SCN3A: variants seen among roughly 807,000 people sequenced by gnomAD.
SCN3A encodes the protein sodium voltage-gated channel alpha subunit 3.
SCN3A carries 60 observed loss-of-function variants against 187.6 expected under a neutral mutation model. The ratio of observed to expected loss-of-function variants is 0.32; its 90% CI spans 0.26 to 0.40. The LOEUF is 0.40. Among genes scored for constraint, SCN3A ranks in the 10% least tolerant of loss-of-function variants. The pLI, the probability that SCN3A is intolerant of heterozygous loss-of-function variation, is 1.00. For synonymous variants in SCN3A, 788 were observed against 829.2 expected, an observed-to-expected ratio of 0.95 and a Z score of 0.85; for missense variants, 1,601 against 2,428.2, an observed-to-expected ratio of 0.66 and a Z score of 7.16.
At chr2:165,175,238 C>T (rs1302121473) in intron 3 of SCN3A, among the ~76,000 whole-genome samples, 1 of 152,060 alleles carries the variant, frequency 6.6e-6, no homozygotes, top group Non-Finnish European at 1.5e-5. Context: ...TCTTTAGTTT[C>T]TACATTGAGC....
intron 21 of SCN3A, among the ~76,000 whole-genome samples, chr2:165,108,677 TTAAA>T (rs1190025157): frequency 1.3e-5 from 2 of 152,212 alleles, no homozygotes; most frequent in African/African-American, 4.8e-5. Flanking sequence ...TCAATACGTT[TTAAA>T]TAAATATTAA....
chr2:165,101,211 C>T (rs77851728), intron 21 of SCN3A, among the ~76,000 whole-genome samples: 3,224 of 152,194 alleles, frequency 0.021, 57 homozygotes, highest in East Asian at 0.081. Context: ...TGACATAGAA[C>T]GAATATTCCA....
At chr2:165,187,858 T>C (rs1378795695) in intron 1 of SCN3A, among the ~76,000 whole-genome samples, 1 of 152,168 alleles carries the variant, frequency 6.6e-6, no homozygotes, top group Non-Finnish European at 1.5e-5. Flanking sequence ...AATTGAGCAA[T>C]AGATTGTTAC....
At position 165,140,964 on chromosome 2, in the gene SCN3A, G is replaced by T; in HGVS notation, c.1706C>A (p.Pro569Gln). The change falls in exon 13 of 28, where the codon CCA becomes CAA. Residue 569 changes from proline to glutamine, a missense_variant. Coordinates refer to ENST00000283254, the MANE Select transcript of SCN3A (RefSeq NM_006922.4). This position sits in a 1 kb window ranked among gnomAD's most constrained non-coding sequence, Gnocchi z 4.2. ...AATGCTTGTTTTGCTATTGCGTCTT[G>T]GGGAAAACAGGGAGCCACGGATACT... ...LLSIRGSLFSPRRNSKTSIFS... is the reference protein window; with the variant it reads ...LLSIRGSLFSQRRNSKTSIFS... 1 of 1,613,906 alleles carries T rather than the reference G, an allele frequency of 6.2e-7. No individual in the cohort carries two copies. The highest frequency in any genetic ancestry group is 8.5e-7 in the Non-Finnish European group (1 of 1,179,930).
intron 2 of SCN3A, among the ~76,000 whole-genome samples, chr2:165,184,823 G>T (rs1691128242): frequency 6.6e-6 from 1 of 152,100 alleles, no homozygotes; most frequent in Admixed American, 6.5e-5. Flanking sequence ...GGTACCTCTT[G>T]CTCTCAGTGT....
At chr2:165,166,359 T>C (rs1241698774) in intron 5 of SCN3A, among the ~76,000 whole-genome samples, 1 of 149,564 alleles carries the variant, frequency 6.7e-6, no homozygotes, top group Non-Finnish European at 1.5e-5. Context: ...CAGGGGACCT[T>C]TATCTTTCGT....
At position 165,140,235 on chromosome 2, in the gene SCN3A, A is replaced by G. The variant is rs575741183; in HGVS notation, c.2019+416T>C. On this transcript the variant is annotated intron_variant, in intron 13 of 27. Transcript: ENST00000283254. The surrounding 1 kb of genome is among the most constrained non-coding windows in gnomAD (Gnocchi z 4.2). ...TTGTATGAAATTGCCCATTATCAACAAATTGGTTATAATATTTAATTTTAA... is the reference window on the plus strand; with the variant it reads ...TTGTATGAAATTGCCCATTATCAACGAATTGGTTATAATATTTAATTTTAA... 8.5e-5 allele frequency among the ~76,000 whole-genome samples: 13 copies of G among 152,302 alleles called. No homozygotes were observed. The highest frequency in any genetic ancestry group is 2.4e-4 in the African/African-American group (10 of 41,570).
chr2:165,132,989 C>A (rs190403117), intron 15 of SCN3A, among the ~76,000 whole-genome samples: 1 of 152,314 alleles, frequency 6.6e-6, no homozygotes, highest in East Asian at 1.9e-4. Context: ...ACAGACACTT[C>A]TCAAAAGAAG....
Position 165,168,958 on chromosome 2 carries a change from A to T in SCN3A, c.384-133T>A, listed in dbSNP as rs572621213. On this transcript the variant is annotated intron_variant, in intron 4 of 27. Transcript: ENST00000283254. The stretch of plus-strand genomic sequence containing the variant: ...ATTTGTTTTAAAACAATGATAAAAT[A>T]ATAAGAAACTTCAAAGCCTGTGATA... 3 of 662,372 alleles carry T rather than the reference A, an allele frequency of 4.5e-6. No homozygotes were observed. The African/African-American group carries it at 5.4e-5, about 12-fold the overall frequency. 41.0% of individuals were successfully genotyped at this position (662,372 alleles called of 1,614,324 possible).
chr2:165,171,897 A>C (rs1455920746), intron 3 of SCN3A, among the ~76,000 whole-genome samples: 6 of 152,196 alleles, frequency 3.9e-5, no homozygotes, highest in African/African-American at 1.4e-4. Context: ...TTTGCAAATA[A>C]ACACTTGTTT....
chr2:165,115,344 G>C (rs1686313739), intron 19 of SCN3A, 111 bp downstream of exon 19: 3 of 1,443,596 alleles, frequency 2.1e-6, no homozygotes, highest in African/African-American at 1.4e-5. Context: ...TGGGGTTACA[G>C]GCATAAGCCA....
chr2:165,112,424 A>G (rs566250480), intron 21 of SCN3A, among the ~76,000 whole-genome samples: 15 of 152,340 alleles, frequency 9.8e-5, no homozygotes, highest in African/African-American at 3.6e-4. Context: ...AAGTCAGTAC[A>G]TGGGTTAATT....
intron 18 of SCN3A, chr2:165,123,043 A>G (rs1005318659): frequency 6.6e-6 from 1 of 152,226 alleles, no homozygotes; most frequent in Non-Finnish European, 1.5e-5. Flanking sequence ...TCTTTTAAGA[A>G]TTAAATTGCA....
intron 9 of SCN3A, among the ~76,000 whole-genome samples, chr2:165,156,360 A>C (rs941507700): frequency 2.0e-5 from 3 of 150,542 alleles, no homozygotes; most frequent in South Asian, 2.1e-4. Flanking sequence ...CAAAAAAAAA[A>C]CAATTAGCTG....
rs535214780 is a variant in SCN3A at position 165,153,701 on chromosome 2, T to G, written c.1380+751A>C. Among the ~76,000 whole-genome samples, 37 of 152,224 alleles carry G rather than the reference T, an allele frequency of 2.4e-4. 1 individual carries two copies. Among genetic ancestry groups the G allele is most frequent in the Admixed American group, 1.1e-3 (17 of 15,290 alleles). ...AGATACTTATTAGAATGGCTAAAAT[T>G]AAAAAGACTGGCCATACCAAATGTT... On this transcript the variant is annotated intron_variant, in intron 11 of 27. Transcript: ENST00000283254.
In SCN3A at chr2:165,162,575, C is replaced by A; in HGVS notation, c.948G>T (p.Lys316Asn). Residue 316 changes from lysine to asparagine, a missense_variant, in exon 8 of 28, where the codon AAG becomes AAT. Physicochemically the swap from Lys to Asn is moderately conservative, Grantham distance 94 (BLOSUM62 0). This residue lies in a region of SCN3A where 104 missense variants were observed against 102.7 expected (regional missense o/e 1.01). Coordinates refer to ENST00000283254, the MANE Select transcript of SCN3A (RefSeq NM_006922.4). The stretch of plus-strand genomic sequence containing the variant: ...TCTTACTGTCATCTCCAATGTAATC[C>A]TTCCAGTTAAATGTGCTCATTGTTA... Reference protein sequence around the residue: ...VNVTMSTFNWKDYIGDDSHFY... With the variant: ...VNVTMSTFNWNDYIGDDSHFY... The A allele has an allele frequency of 6.2e-7, 1 of 1,614,034 alleles. No individual in the cohort carries two copies.
At position 165,094,483 on chromosome 2, in the gene SCN3A, A is replaced by C. The variant is rs748518131; in HGVS notation, c.4432-5T>G. On this transcript the variant is annotated splice_polypyrimidine_tract_variant and splice_region_variant and intron_variant, in intron 25 of 27. Transcript: ENST00000283254. ...AAAGATGTCTTGACCTCCAAAGTAAAGACATAGTATAAAACTGGTTACAAT... is the reference window on the plus strand; with the variant it reads ...AAAGATGTCTTGACCTCCAAAGTAACGACATAGTATAAAACTGGTTACAAT... The C allele has an allele frequency of 1.3e-6, 2 of 1,578,640 alleles. No individual in the cohort carries two copies. The highest frequency in any genetic ancestry group is 2.2e-5 in the South Asian group (2 of 90,332).
chr2:165,163,729 A>G lies in SCN3A; in HGVS notation c.603-20T>C, dbSNP rs771935951. ...ACATATCTGTAATAGGGGAGTTCAC[A>G]CACAAACACAATAACACACAAGAAA... On this transcript the variant is annotated intron_variant, in intron 6 of 27. Coordinates refer to ENST00000283254, the MANE Select transcript of SCN3A (RefSeq NM_006922.4). 1 of 1,614,036 alleles carries G rather than the reference A, an allele frequency of 6.2e-7. No homozygotes were observed. The highest frequency in any genetic ancestry group is 2.2e-5 in the East Asian group (1 of 44,860).
chr2:165,135,641 T>C (rs1038952735), intron 15 of SCN3A, among the ~76,000 whole-genome samples: 9 of 152,112 alleles, frequency 5.9e-5, no homozygotes, highest in African/African-American at 2.2e-4. Context: ...ATTAAACATA[T>C]GTATTACTTT....
Sources: allele counts gnomAD v4.1 joint callset (sites outside exome capture counted in the v4.1 genomes callset), GRCh38; gene constraint gnomAD v4.1.1; regional missense constraint gnomAD v4.1.1; non-coding constraint Gnocchi (gnomAD v3.1); transcripts MANE v1.5; gene names NCBI Gene and HGNC (gene_info 2026-07-23, HGNC 2026-07-21).